The following KAT6A variants were observed in gnomAD, a reference collection of about 807,000 sequenced individuals.
KAT6A encodes histone acetyltransferase KAT6A.
Under a neutral mutation model 198.4 loss-of-function variants are expected in KAT6A, and 9 were observed. The ratio of observed to expected loss-of-function variants is 0.05; its 90% CI spans 0.03 to 0.08. The LOEUF (loss-of-function observed/expected upper bound fraction) is 0.08, where lower values mean the gene tolerates loss of function less well. Among genes scored for constraint, KAT6A ranks in the 10% least tolerant of loss-of-function variants. The pLI, the probability that KAT6A is intolerant of heterozygous loss-of-function variation, is 1.00. For missense variants in KAT6A, 2,077 were observed against 2,509.9 expected (o/e 0.83, Z 3.69); for synonymous variants, 890 against 883.0 (o/e 1.01, Z -0.14).
chr8:41,991,070 G>A (rs992843985), intron 2 of KAT6A, among the ~76,000 whole-genome samples: 12 of 144,498 alleles, frequency 8.3e-5, no homozygotes, highest in Non-Finnish European at 9.1e-5. Context: ...AAATTGACAA[G>A]ACCAATTTGA....
chr8:42,004,672 T>A (rs1825651650), intron 2 of KAT6A, among the ~76,000 whole-genome samples: 1 of 152,164 alleles, frequency 6.6e-6, no homozygotes, highest in Non-Finnish European at 1.5e-5. Context: ...ACACCTGTAA[T>A]CCCAGCACTT....
Position 41,937,440 on chromosome 8 carries a change from C to T in KAT6A, c.3168G>A (p.Arg1056=). The change falls in exon 16 of 17, where the codon AGG becomes AGA. Residue 1056 remains arginine, a synonymous_variant. Coordinates refer to ENST00000265713, the MANE Select transcript of KAT6A (RefSeq NM_006766.5). The part of the protein sequence containing the change: ...DEPFEDSDSE[R]PMPRLEPTFE... ...ACGTGGGTTCTAATCTTGGCATTGG[C>T]CTCTCGGAGTCAGAATCTTCAAAAG... The T allele has an allele frequency of 6.2e-7, 1 of 1,614,142 alleles. No homozygotes were observed. The highest frequency in any genetic ancestry group is 8.5e-7 in the Non-Finnish European group (1 of 1,180,016).
At chr8:41,969,558 C>A (rs1442594097) in intron 8 of KAT6A, among the ~76,000 whole-genome samples, 4 of 152,172 alleles carry the variant, frequency 2.6e-5, no homozygotes, top group Non-Finnish European at 5.9e-5. Flanking sequence ...CATCTTCTCT[C>A]ATCCTGATCA....
intron 2 of KAT6A, among the ~76,000 whole-genome samples, chr8:42,014,870 A>G (rs1246199473): frequency 2.0e-5 from 3 of 152,202 alleles, no homozygotes; most frequent in Non-Finnish European, 4.4e-5. Flanking sequence ...TTACAGGTTC[A>G]GGATTACTTG....
intron 2 of KAT6A, 118 bp downstream of exon 2, chr8:42,048,260 G>C: frequency 9.8e-7 from 1 of 1,017,114 alleles, no homozygotes; most frequent in Non-Finnish European, 1.5e-6. Context: ...AAAAACCAGA[G>C]GTGATCACTC....
At chr8:42,040,989 G>A (rs924694407) in intron 2 of KAT6A, among the ~76,000 whole-genome samples, 3 of 151,720 alleles carry the variant, frequency 2.0e-5, no homozygotes, top group Non-Finnish European at 4.4e-5. Context: ...CCAATCAGGA[G>A]TTTGAGATTC....
At chr8:41,977,590 T>TA (rs1171455821) in intron 6 of KAT6A, 3 of 339,124 alleles carry the variant, frequency 8.8e-6, no homozygotes, top group Non-Finnish European at 1.6e-5. Flanking sequence ...AATTCTCTCT[T>TA]ACTAGCTGTA....
intron 2 of KAT6A, among the ~76,000 whole-genome samples, chr8:42,042,438 T>C (rs1827713151): frequency 6.7e-6 from 1 of 148,868 alleles, no homozygotes; most frequent in Non-Finnish European, 1.5e-5. Flanking sequence ...CAAGACTCCA[T>C]CTCTCAAAAA....
At chr8:42,051,264 C>T (rs1484104325) in intron 1 of KAT6A, among the ~76,000 whole-genome samples, 1 of 151,820 alleles carries the variant, frequency 6.6e-6, no homozygotes, top group Non-Finnish European at 1.5e-5. Context: ...CCCTCGGCGG[C>T]TGGGCTGACA....
At chr8:42,048,148 C>CT (rs1203060885) in intron 2 of KAT6A, among the ~76,000 whole-genome samples, 1 of 151,914 alleles carries the variant, frequency 6.6e-6, no homozygotes, top group Non-Finnish European at 1.5e-5. Context: ...TAAATAAGTT[C>CT]TTTTAGTCAG....
chr8:42,021,283 T>A (rs1436700440), intron 2 of KAT6A, among the ~76,000 whole-genome samples: 4 of 152,164 alleles, frequency 2.6e-5, no homozygotes, highest in Non-Finnish European at 5.9e-5. Flanking sequence ...GTGATGGCAA[T>A]ATTTTGTGAG....
chr8:42,051,380 G>T (rs576546798), intron 1 of KAT6A, among the ~76,000 whole-genome samples: 7 of 151,568 alleles, frequency 4.6e-5, no homozygotes, highest in Non-Finnish European at 1.0e-4. Flanking sequence ...CGCGCCCCCG[G>T]CCGGAGCCAA....
intron 2 of KAT6A, among the ~76,000 whole-genome samples, chr8:41,989,137 G>C (rs574251908): frequency 1.3e-5 from 2 of 152,190 alleles, no homozygotes; most frequent in African/African-American, 4.8e-5. Context: ...GGTTCAAAAA[G>C]GTGTTCAAAA....
chr8:42,050,283 T>A (rs1802540267), intron 1 of KAT6A, among the ~76,000 whole-genome samples: 1 of 152,240 alleles, frequency 6.6e-6, no homozygotes, highest in Non-Finnish European at 1.5e-5. Context: ...TCAAAGTCAG[T>A]ATCCCTATAA....
intron 15 of KAT6A, among the ~76,000 whole-genome samples, chr8:41,937,891 G>A (rs1821931726): frequency 6.6e-6 from 1 of 152,056 alleles, no homozygotes; most frequent in Non-Finnish European, 1.5e-5. Flanking sequence ...CTGACCCAGA[G>A]GCTAATCCCT....
chr8:42,027,426 C>T (rs946107084), intron 2 of KAT6A, among the ~76,000 whole-genome samples: 16 of 152,084 alleles, frequency 1.1e-4, no homozygotes, highest in Non-Finnish European at 2.1e-4. Flanking sequence ...CCATCTGGTC[C>T]TAGGCTTTTC....
At chr8:41,973,099 G>C (rs1295739720) in intron 8 of KAT6A, among the ~76,000 whole-genome samples, 4 of 152,208 alleles carry the variant, frequency 2.6e-5, no homozygotes, top group African/African-American at 9.6e-5. Flanking sequence ...AATGCGTGCT[G>C]AGTATTTGTA....
chr8:41,940,517 T>C (rs1293007283), intron 15 of KAT6A, among the ~76,000 whole-genome samples: 1 of 152,192 alleles, frequency 6.6e-6, no homozygotes, highest in Non-Finnish European at 1.5e-5. Context: ...AAAGATATTT[T>C]AGGGCTTTAA....
chr8:41,974,403 A>C, intron 8 of KAT6A: 1 of 213,256 alleles, frequency 4.7e-6, no homozygotes, highest in Non-Finnish European at 9.2e-6. Flanking sequence ...CACTCATGAG[A>C]AGCTTGTTTT....
Sources: allele counts gnomAD v4.1 joint callset (sites outside exome capture counted in the v4.1 genomes callset), GRCh38; gene constraint gnomAD v4.1.1; transcripts MANE v1.5; gene names NCBI Gene and HGNC (gene_info 2026-07-23, HGNC 2026-07-21).